Variants in CTNNA2 observed in about 807,000 individuals in gnomAD.
CTNNA2 encodes the protein catenin alpha 2, also known as catenin alpha-2.
In CTNNA2, 42 loss-of-function variants were observed where a neutral mutation model predicts 101.0. That is an observed-to-expected ratio of 0.42 (90% CI 0.32 to 0.54). CTNNA2 has a LOEUF of 0.54. CTNNA2 is among the 20% of genes least tolerant of loss of function. CTNNA2 has a pLI of 0.14. For missense variants in CTNNA2, 871 were observed against 1,223.1 expected, an observed-to-expected ratio of 0.71 and a Z score of 4.29; for synonymous variants, 450 against 456.4, an observed-to-expected ratio of 0.99 and a Z score of 0.18.
intron 4 of CTNNA2, among the ~76,000 whole-genome samples, chr2:79,410,297 T>C (rs1236728565): frequency 2.1e-5 from 3 of 144,602 alleles, no homozygotes; most frequent in African/African-American, 7.8e-5. Flanking sequence ...CTTTATTTCC[T>C]TCTCCTGCCT....
At chr2:80,623,264 G>C (rs1671329182) in intron 18 of CTNNA2, among the ~76,000 whole-genome samples, 1 of 151,692 alleles carries the variant, frequency 6.6e-6, no homozygotes, top group African/African-American at 2.4e-5. Context: ...CATAGAATTA[G>C]CATGGAAAAC....
At chr2:79,247,021 A>G (rs1674709047) in intron 2 of CTNNA2, among the ~76,000 whole-genome samples, 1 of 152,044 alleles carries the variant, frequency 6.6e-6, no homozygotes, top group South Asian at 2.1e-4. Context: ...TATTCAGTAA[A>G]CCCTGAGTGC....
At chr2:80,480,653 T>A (rs1686074223) in intron 9 of CTNNA2, among the ~76,000 whole-genome samples, 1 of 152,160 alleles carries the variant, frequency 6.6e-6, no homozygotes, top group Admixed American at 6.6e-5. Context: ...TCTTTAATAA[T>A]TCAGAACCTT....
chr2:79,973,144 T>C (rs1028250110), intron 7 of CTNNA2, among the ~76,000 whole-genome samples: 5 of 152,132 alleles, frequency 3.3e-5, no homozygotes, highest in South Asian at 2.1e-4. Context: ...GCTAAAAAGA[T>C]TACTGTCTTT....
chr2:80,025,639 A>C (rs1182700215), intron 7 of CTNNA2, among the ~76,000 whole-genome samples: 1 of 152,200 alleles, frequency 6.6e-6, no homozygotes, highest in Non-Finnish European at 1.5e-5. Flanking sequence ...GGAGGGCCTG[A>C]GTCCAAAATG....
At position 79,596,438 on chromosome 2, in the gene CTNNA2, AC is replaced by A. The variant is rs1677194778; in HGVS notation, c.-5-55112del. 2.0e-5 allele frequency among the ~76,000 whole-genome samples: 3 copies of A among 152,240 alleles called. 1 individual carries two copies. In the South Asian group the frequency reaches 6.2e-4, roughly 32 times the overall value. On this transcript the variant is annotated intron_variant, in intron 1 of 18. Coordinates refer to ENST00000402739, the MANE Select transcript of CTNNA2 (RefSeq NM_001282597.3). ...AAAGGAAGAAACCATGAAGAAATAT[AC>A]CTTGTGTATAAGAGAATATTGGGAA...
chr2:79,360,318 C>T (rs1484468975), intron 3 of CTNNA2, among the ~76,000 whole-genome samples: 3 of 152,142 alleles, frequency 2.0e-5, no homozygotes, highest in Non-Finnish European at 4.4e-5. Context: ...AGAATTTCAA[C>T]AGGTGGTAAT....
At chr2:79,387,734 C>G (rs1211285815) in intron 4 of CTNNA2, among the ~76,000 whole-genome samples, 1 of 143,886 alleles carries the variant, frequency 6.9e-6, no homozygotes, top group Admixed American at 6.7e-5. Flanking sequence ...CGGCAGAGCT[C>G]CAGACCTTTT....
intron 2 of CTNNA2, among the ~76,000 whole-genome samples, chr2:79,288,921 C>G (rs1455139635): frequency 6.6e-6 from 1 of 151,930 alleles, no homozygotes; most frequent in Non-Finnish European, 1.5e-5. Context: ...TACATTTTCT[C>G]AAAATTGAAA....
intron 7 of CTNNA2, among the ~76,000 whole-genome samples, chr2:80,252,808 G>A (rs1026231559): frequency 4.6e-5 from 7 of 152,158 alleles, no homozygotes; most frequent in Non-Finnish European, 8.8e-5. Flanking sequence ...TGTAGGCGGC[G>A]ACTTGTTTGC....
At chr2:79,366,349 G>A (rs1677750468) in intron 3 of CTNNA2, among the ~76,000 whole-genome samples, 1 of 152,180 alleles carries the variant, frequency 6.6e-6, no homozygotes, top group South Asian at 2.1e-4. Flanking sequence ...GGCCGGCTAG[G>A]AACAAAGATT....
chr2:80,070,445 C>T (rs538359325), intron 7 of CTNNA2, among the ~76,000 whole-genome samples: 1 of 152,100 alleles, frequency 6.6e-6, no homozygotes, highest in African/African-American at 2.4e-5. Context: ...TTGGGCCTCA[C>T]ACCTGTAATC....
chr2:79,560,017 T>C (rs920065490), intron 1 of CTNNA2, among the ~76,000 whole-genome samples: 1 of 151,822 alleles, frequency 6.6e-6, no homozygotes, highest in Non-Finnish European at 1.5e-5. Flanking sequence ...ATTTAACATC[T>C]CTAGCGCCTG....
intron 3 of CTNNA2, among the ~76,000 whole-genome samples, chr2:79,775,536 C>A (rs961190987): frequency 6.6e-6 from 1 of 152,060 alleles, no homozygotes; most frequent in African/African-American, 2.4e-5. Context: ...TAAACATGTG[C>A]CGTGGTGGTT....
rs560785110 is a variant in CTNNA2, at chr2:79,452,817, T to C, written c.-134-52237T>C. On this transcript the variant is annotated intron_variant, in intron 4 of 21. Transcript: ENST00000466387. ...TTCCTAATGCATCCTTCATTATCATTCTAGTCACTCATTGAGTTCCATTAT... is the reference window on the plus strand; with the variant it reads ...TTCCTAATGCATCCTTCATTATCATCCTAGTCACTCATTGAGTTCCATTAT... Among the ~76,000 whole-genome samples the C allele has an allele frequency of 3.9e-5, 6 of 152,192 alleles. No individual in the cohort carries two copies. The South Asian group carries it at 1.2e-3, about 32-fold the overall frequency.
chr2:80,020,991 A>ATTTTTTTTTT (rs1694516567), intron 7 of CTNNA2, among the ~76,000 whole-genome samples: 1 of 119,466 alleles, frequency 8.4e-6, no homozygotes, highest in African/African-American at 3.8e-5. Context: ...ATGACCAATC[A>ATTTTTTTTTT]TCTTTTTTTT....
chr2:79,509,663 C>T (rs903072157), upstream of CTNNA2, among the ~76,000 whole-genome samples: 2 of 152,040 alleles, frequency 1.3e-5, no homozygotes, highest in African/African-American at 4.8e-5. Flanking sequence ...TAGTATGATA[C>T]CATAGTGGTG....
At chr2:79,942,479 G>A (rs993860780) in intron 7 of CTNNA2, among the ~76,000 whole-genome samples, 4 of 152,162 alleles carry the variant, frequency 2.6e-5, no homozygotes, top group African/African-American at 9.7e-5. Context: ...AAACATTATT[G>A]TAATAGGTAG....
intron 3 of CTNNA2, among the ~76,000 whole-genome samples, chr2:79,755,403 G>A (rs1436750328): frequency 6.6e-6 from 1 of 152,150 alleles, no homozygotes; most frequent in Non-Finnish European, 1.5e-5. Context: ...TGGAATGGAG[G>A]ATGTCGTTCT....
Sources: gnomAD v4.1 joint callset for allele counts (sites outside exome capture counted in the v4.1 genomes callset) on GRCh38, gnomAD v4.1.1 for gene constraint, MANE v1.5 for transcripts, NCBI Gene and HGNC (gene_info 2026-07-23, HGNC 2026-07-21) for gene names.